IMMP2L: variants seen among roughly 807,000 people sequenced by gnomAD.
IMMP2L encodes the protein mitochondrial inner membrane protease subunit 2.
IMMP2L carries 18 observed loss-of-function variants against 19.3 expected under a neutral mutation model. The ratio of observed to expected loss-of-function variants is 0.93; its 90% confidence interval spans 0.64 to 1.38. The LOEUF (loss-of-function observed/expected upper bound fraction) is 1.38, where lower values mean the gene tolerates loss of function less well. IMMP2L is among the 40% of genes most tolerant of loss of function. The pLI, the probability that IMMP2L is intolerant of heterozygous loss-of-function variation, is 0.00. For missense variants in IMMP2L, 233 were observed against 218.2 expected, an observed-to-expected ratio of 1.07 and a Z score of -0.43; for synonymous variants, 76 against 73.0, an observed-to-expected ratio of 1.04 and a Z score of -0.21.
intron 3 of IMMP2L, among the ~76,000 whole-genome samples, chr7:111,387,649 G>T (rs982271108): frequency 6.6e-6 from 1 of 152,050 alleles, no homozygotes; most frequent in Admixed American, 6.6e-5. Context: ...CTAAAGTTCT[G>T]TCATTCACAT....
chr7:111,409,617 T>A (rs909864180), intron 3 of IMMP2L, among the ~76,000 whole-genome samples: 1 of 151,774 alleles, frequency 6.6e-6, no homozygotes, highest in Non-Finnish European at 1.5e-5. Flanking sequence ...GGTCTCTATA[T>A]AAAGATTTGA....
intron 5 of IMMP2L, among the ~76,000 whole-genome samples, chr7:110,879,108 T>A (rs1326272726): frequency 1.3e-5 from 2 of 152,088 alleles, no homozygotes; most frequent in Non-Finnish European, 2.9e-5. Flanking sequence ...AACAGTCTGT[T>A]ATAGCAGGCG....
intron 3 of IMMP2L, among the ~76,000 whole-genome samples, chr7:111,339,507 C>T (rs1229971633): frequency 2.6e-5 from 4 of 151,916 alleles, no homozygotes; most frequent in African/African-American, 9.7e-5. Flanking sequence ...CAGCTTAGCC[C>T]TACACCGCAT....
chr7:110,782,601 T>C (rs995650709), intron 5 of IMMP2L, among the ~76,000 whole-genome samples: 1 of 151,802 alleles, frequency 6.6e-6, no homozygotes, highest in Admixed American at 6.6e-5. Flanking sequence ...TTTATTTGCA[T>C]ATATTAGGTC....
At chr7:111,383,803 C>T (rs1471222691) in intron 3 of IMMP2L, among the ~76,000 whole-genome samples, 1 of 152,012 alleles carries the variant, frequency 6.6e-6, no homozygotes, top group Non-Finnish European at 1.5e-5. Context: ...CACTCTGCCC[C>T]TCCTGAAATC....
At chr7:111,176,309 A>G (rs139900269) in intron 3 of IMMP2L, among the ~76,000 whole-genome samples, 1 of 152,182 alleles carries the variant, frequency 6.6e-6, no homozygotes, top group African/African-American at 2.4e-5. Context: ...AGAGGTATCT[A>G]TCTGCACACC....
intron 2 of IMMP2L, among the ~76,000 whole-genome samples, chr7:111,509,510 C>G (rs1366483857): frequency 6.6e-6 from 1 of 152,170 alleles, no homozygotes; most frequent in Non-Finnish European, 1.5e-5. Context: ...AGCAATAAAG[C>G]AGCATTTTGC....
chr7:111,120,056 G>T (rs1374176935), intron 3 of IMMP2L, among the ~76,000 whole-genome samples: 3 of 152,136 alleles, frequency 2.0e-5, no homozygotes, highest in African/African-American at 4.8e-5. Flanking sequence ...TAGGGAGAAG[G>T]TTGCCTGCAG....
chr7:111,463,015 G>T (rs1000981664), intron 3 of IMMP2L, among the ~76,000 whole-genome samples: 1 of 152,004 alleles, frequency 6.6e-6, no homozygotes, highest in Non-Finnish European at 1.5e-5. Context: ...TCACAGTTCC[G>T]GAGGCCAGAA....
At chr7:110,802,096 G>A (rs1385655392) in intron 5 of IMMP2L, among the ~76,000 whole-genome samples, 1 of 152,030 alleles carries the variant, frequency 6.6e-6, no homozygotes, top group Non-Finnish European at 1.5e-5. Flanking sequence ...CAGAATAGAA[G>A]CAAATTTGAA....
At chr7:110,789,162 G>A (rs1159133253) in intron 5 of IMMP2L, among the ~76,000 whole-genome samples, 1 of 151,776 alleles carries the variant, frequency 6.6e-6, no homozygotes, top group Admixed American at 6.6e-5. Flanking sequence ...TCTCACCACT[G>A]AGTGAACCCC....
intron 1 of IMMP2L, among the ~76,000 whole-genome samples, chr7:111,549,957 A>AC (rs1563345599): frequency 6.6e-6 from 1 of 151,474 alleles, no homozygotes; most frequent in Non-Finnish European, 1.5e-5. Context: ...AAAAAAAAAA[A>AC]CATAGTGAGA....
intron 3 of IMMP2L, among the ~76,000 whole-genome samples, chr7:111,026,586 C>T (rs549451177): frequency 6.6e-6 from 1 of 152,206 alleles, no homozygotes; most frequent in Non-Finnish European, 1.5e-5. Context: ...GAAATTCCAA[C>T]ACCAATGTAC....
At chr7:110,981,187 AAAG>A (rs1305971914) in intron 3 of IMMP2L, among the ~76,000 whole-genome samples, 2 of 152,162 alleles carry the variant, frequency 1.3e-5, no homozygotes, top group Non-Finnish European at 2.9e-5. Flanking sequence ...ATTTTTAGAC[AAAG>A]AAGAAAGTTG....
intron 3 of IMMP2L, among the ~76,000 whole-genome samples, chr7:111,253,225 G>A (rs547351157): frequency 4.6e-5 from 7 of 152,204 alleles, no homozygotes; most frequent in African/African-American, 1.7e-4. Flanking sequence ...TAAAACTTCA[G>A]TGTTATCAGA....
Position 111,317,084 on chromosome 7 carries a change from G to A in IMMP2L, c.239+170154C>T, listed in dbSNP as rs186651537. On this transcript the variant is annotated intron_variant, in intron 3 of 5. Coordinates refer to ENST00000405709, the MANE Select transcript of IMMP2L (RefSeq NM_032549.4). ...AGAATGGTCTCGATCTCCTGACCTC[G>A]TGATCCGCCCGCCTCAGCCTCCCAA... Among the ~76,000 whole-genome samples the A allele has an allele frequency of 6.1e-3, 922 of 151,856 alleles. 2 individuals carry two copies. The highest frequency in any genetic ancestry group is 9.8e-3 in the African/African-American group (405 of 41,434).
In IMMP2L at chr7:111,049,287, C is replaced by T. The variant is rs1003932629; in HGVS notation, c.240-85722G>A. Among the ~76,000 whole-genome samples the T allele has an allele frequency of 7.6e-4, 116 of 151,814 alleles. 2 individuals are homozygous for T. The highest frequency in any genetic ancestry group is 4.8e-3 in the Admixed American group (73 of 15,248). On this transcript the variant is annotated intron_variant, in intron 3 of 5. Transcript: ENST00000405709. ...CTGGGACTACAGGCGCCCGCCACTA[C>T]GCCCGGCTAATTTTTTTGTATTTTT...
chr7:111,479,909 A>G (rs565304431), intron 3 of IMMP2L, among the ~76,000 whole-genome samples: 2 of 152,310 alleles, frequency 1.3e-5, no homozygotes, highest in South Asian at 4.1e-4. Flanking sequence ...CTATGGTTAC[A>G]TTAACACAAA....
At chr7:110,735,660 T>A (rs531708776) in intron 5 of IMMP2L, among the ~76,000 whole-genome samples, 1 of 128,846 alleles carries the variant, frequency 7.8e-6, no homozygotes, top group African/African-American at 2.8e-5. Flanking sequence ...CAAATATATA[T>A]ATATATATAT....
Sources: gnomAD v4.1 joint callset for allele counts (sites outside exome capture counted in the v4.1 genomes callset) on GRCh38, gnomAD v4.1.1 for gene constraint, MANE v1.5 for transcripts, NCBI Gene and HGNC (gene_info 2026-07-23, HGNC 2026-07-21) for gene names.